ITGAD: variants seen among roughly 807,000 people sequenced by gnomAD.
ITGAD encodes the protein integrin subunit alpha D.
A neutral mutation model predicts 139.0 loss-of-function variants in ITGAD; 105 were observed. The ratio of observed to expected loss-of-function variants is 0.76; its 90% CI spans 0.65 to 0.89. The LOEUF is 0.89. ITGAD is among the 40% of genes least tolerant of loss of function. The pLI, the probability that ITGAD is intolerant of heterozygous loss-of-function variation, is 0.00. For synonymous variants in ITGAD, 569 were observed against 598.3 expected, an observed-to-expected ratio of 0.95 and a Z score of 0.71; for missense variants, 1,384 against 1,487.3, an observed-to-expected ratio of 0.93 and a Z score of 1.14.
chr16:31,395,859 T>A (rs976277181), intron 2 of ITGAD, among the ~76,000 whole-genome samples: 1 of 151,740 alleles, frequency 6.6e-6, no homozygotes, highest in African/African-American at 2.4e-5. Flanking sequence ...CTATAAGAGG[T>A]CACCGAGCTC....
At chr16:31,397,333 T>G in intron 2 of ITGAD, 26 bp from the exon 3 acceptor site, 20 of 1,511,934 alleles carry the variant, frequency 1.3e-5, no homozygotes, top group Non-Finnish European at 1.8e-5. Context: ...GTGGCTGCAG[T>G]GACATGGCCA....
intron 10 of ITGAD, 97 bp downstream of exon 10, chr16:31,408,595 C>A: frequency 9.3e-7 from 1 of 1,078,010 alleles, no homozygotes; most frequent in Non-Finnish European, 1.4e-6. Context: ...AAGAGCAGAC[C>A]CCATCCTCAA....
rs763774847 is a variant in ITGAD, at chr16:31,426,125, C to T, written c.3483C>T (p.Ser1161=). Residue 1161 remains serine, a synonymous_variant, in exon 30 of 30, where the codon TCC becomes TCT. Coordinates refer to ENST00000389202, the MANE Select transcript of ITGAD (RefSeq NM_005353.3). The stretch of plus-strand genomic sequence containing the variant: ...GTGTGGCCCCAAATGTGCCTTTGTC[C>T]TAATAATCCACTTTCCTGTTTATCT... The part of the protein sequence containing the change: ...FSCVAPNVPL[S] 1 of 1,596,750 alleles carries T rather than the reference C, an allele frequency of 6.3e-7. No homozygotes were observed. The highest frequency in any genetic ancestry group is 1.7e-5 in the Admixed American group (1 of 59,866).
rs1376808315 is a variant in ITGAD, at chr16:31,424,197, A to G, written c.3255A>G (p.Arg1085=). 4.3e-6 allele frequency: 7 copies of G among 1,614,012 alleles called. No homozygotes were observed. Among genetic ancestry groups the G allele is most frequent in the Non-Finnish European group, 5.9e-6 (7 of 1,180,010 alleles). Reference sequence around the variant, plus strand: ...TTCCAGGACAGGAGGCATTTATGAGAGCTCAGGTAGAGACCATGTGGAGGG... The same window carrying G: ...TTCCAGGACAGGAGGCATTTATGAGGGCTCAGGTAGAGACCATGTGGAGGG... ...SQLPGQEAFM[R]AQMEMVLEED... is the part of the protein sequence containing the mutation. The change falls in exon 28 of 30, where the codon AGA becomes AGG. Residue 1085 remains arginine (R), a synonymous_variant. Coordinates refer to ENST00000389202, the MANE Select transcript of ITGAD (RefSeq NM_005353.3).
chr16:31,413,097 C>G lies in ITGAD; in HGVS notation c.1847C>G (p.Pro616Arg), dbSNP rs770304500. The part of the protein sequence containing the change: ...RGQVLLLRSL[P>R]VLKVGVAMRF... The stretch of plus-strand genomic sequence containing the variant: ...ACTACTCTGCCCCTCAGGAGTCTGC[C>G]GGTGCTGAAAGTGGGGGTGGCCATG... The change falls in exon 16 of 30, where the codon CCG becomes CGG. Residue 616 changes from proline to arginine, a missense_variant. Physicochemically the swap from Pro to Arg is moderately radical, Grantham distance 103 (BLOSUM62 -2). Transcript: ENST00000389202. 1 of 1,614,104 alleles carries G rather than the reference C, an allele frequency of 6.2e-7. No homozygotes were observed. The highest frequency in any genetic ancestry group is 8.5e-7 in the Non-Finnish European group (1 of 1,179,998).
intron 23 of ITGAD, among the ~76,000 whole-genome samples, chr16:31,418,885 G>A (rs1442958186): frequency 2.0e-5 from 3 of 152,212 alleles, no homozygotes; most frequent in East Asian, 1.9e-4. Flanking sequence ...TTAGCTGGGC[G>A]TGGTCATGCG....
chr16:31,419,811 T>TAAAAAAAAAAAAAA (rs2081972613), intron 23 of ITGAD, among the ~76,000 whole-genome samples: 1 of 71,190 alleles, frequency 1.4e-5, no homozygotes, highest in African/African-American at 8.6e-5. Context: ...AGGCTCTGTC[T>TAAAAAAAAAAAAAA]CAAAAAAAAA....
intron 5 of ITGAD, among the ~76,000 whole-genome samples, chr16:31,400,247 A>G (rs1422711076): frequency 2.0e-5 from 3 of 152,242 alleles, no homozygotes; most frequent in Non-Finnish European, 4.4e-5. Flanking sequence ...TTGAAGAAGC[A>G]GGAAGGAAGT....
chr16:31,407,092 G>A (rs1489284629), intron 7 of ITGAD, among the ~76,000 whole-genome samples: 6 of 152,170 alleles, frequency 3.9e-5, no homozygotes, highest in South Asian at 2.1e-4. Flanking sequence ...GGTGGCTCAC[G>A]CCTGCAATCC....
rs1009240604 is a variant in ITGAD, at chr16:31,407,509, C to T, written c.705-6C>T. 1.4e-5 allele frequency: 22 copies of T among 1,567,498 alleles called. No homozygotes were observed. The highest frequency in any genetic ancestry group is 1.6e-5 in the Non-Finnish European group (18 of 1,155,382). On this transcript the variant is annotated splice_region_variant and splice_polypyrimidine_tract_variant and intron_variant, in intron 7 of 29. Transcript: ENST00000389202. The stretch of plus-strand genomic sequence containing the variant: ...AGTAGAGTCATCTTCCTTTCCTCCC[C>T]GACAGGACACAGCTATTTCATCATA...
At position 31,411,438 on chromosome 16, in the gene ITGAD, C is replaced by CG. The variant is rs761517349; in HGVS notation, c.1631dup (p.Glu545ArgfsTer123). The CG allele has an allele frequency of 3.1e-6, 5 of 1,614,022 alleles. No individual in the cohort carries two copies. Among genetic ancestry groups the CG allele is most frequent in the Non-Finnish European group, 4.2e-6 (5 of 1,179,986 alleles). ...CTGATAGACGTGGCCATTGGGGCCC[C>CG]GGGAGAGCAGGAGAACCGGGGTGCT... On this transcript the variant is annotated frameshift_variant, in exon 14 of 30. Coordinates refer to ENST00000389202, the MANE Select transcript of ITGAD (RefSeq NM_005353.3). LOFTEE classifies it high-confidence loss of function.
At chr16:31,405,962 C>A (rs2142700491) in intron 7 of ITGAD, among the ~76,000 whole-genome samples, 1 of 152,272 alleles carries the variant, frequency 6.6e-6, no homozygotes. Flanking sequence ...ACTGGCTAAA[C>A]CCTTTCCCCA....
Position 31,418,575 on chromosome 16 carries a change from C to A in ITGAD, c.2780+11C>A. On this transcript the variant is annotated intron_variant, in intron 23 of 29. Coordinates refer to ENST00000389202, the MANE Select transcript of ITGAD (RefSeq NM_005353.3). ...CACCATGATCAGCAGGTGCCCAGTC[C>A]CTGGCCTTCCCCTTGGACCTCTGGC... 6.2e-7 allele frequency: 1 copy of A among 1,609,244 alleles called. No individual in the cohort carries two copies. Among genetic ancestry groups the A allele is most frequent in the Non-Finnish European group, 8.5e-7 (1 of 1,175,604 alleles).
At chr16:31,423,219 T>G (rs1379146934) in intron 24 of ITGAD, 27 bp downstream of exon 24, 2 of 1,605,358 alleles carry the variant, frequency 1.2e-6, no homozygotes, top group African/African-American at 2.7e-5. Flanking sequence ...TATCCATGTC[T>G]GCCTTCCACG....
At chr16:31,401,185 G>A (rs2081394708) in intron 5 of ITGAD, among the ~76,000 whole-genome samples, 1 of 152,148 alleles carries the variant, frequency 6.6e-6, no homozygotes, top group Non-Finnish European at 1.5e-5. Context: ...GCCTGAGCCT[G>A]GGGAGGTCGA....
At chr16:31,402,321 G>A (rs2081429032) in intron 6 of ITGAD, 76 bp downstream of exon 6, 2 of 1,257,820 alleles carry the variant, frequency 1.6e-6, no homozygotes, top group Admixed American at 2.0e-5. Flanking sequence ...CGGGAGGGGT[G>A]GGGGCAGGCC....
In ITGAD at chr16:31,411,329, G is replaced by C. The variant is rs200809631; in HGVS notation, c.1519G>C (p.Ala507Pro). The C allele has an allele frequency of 6.2e-7, 1 of 1,613,436 alleles. No homozygotes were observed. Among genetic ancestry groups the C allele is most frequent in the Admixed American group, 1.7e-5 (1 of 59,976 alleles). ...GCAGAGGGTGCAGTGGCAGTGTGAC[G>C]CTGTTCTCCGTGGTGAGCAGGGCCA... Reference protein sequence around the residue: ...PRGRVQWQCDAVLRGEQGHPW... With the variant: ...PRGRVQWQCDPVLRGEQGHPW... The change falls in exon 14 of 30, where the codon GCT (alanine) becomes CCT (proline). Residue 507 changes from alanine to proline, a missense_variant. Physicochemically the swap from Ala to Pro is conservative, Grantham distance 27. Transcript: ENST00000389202.
intron 10 of ITGAD, chr16:31,408,742 A>C (rs1277186414): frequency 8.3e-6 from 4 of 483,786 alleles, no homozygotes; most frequent in Non-Finnish European, 1.5e-5. Context: ...GATAGCACTA[A>C]GCATCAGGGT....
intron 23 of ITGAD, among the ~76,000 whole-genome samples, chr16:31,421,990 G>A (rs1239412915): frequency 1.3e-5 from 2 of 152,150 alleles, no homozygotes; most frequent in African/African-American, 4.8e-5. Context: ...GAGGGGAGTG[G>A]TGTGAACATA....
Sources: gnomAD v4.1 joint callset for allele counts (sites outside exome capture counted in the v4.1 genomes callset) on GRCh38, gnomAD v4.1.1 for gene constraint, MANE v1.5 for transcripts, NCBI Gene and HGNC (gene_info 2026-07-23, HGNC 2026-07-21) for gene names.